RPH3A: variants seen among roughly 807,000 people sequenced by gnomAD.
RPH3A encodes rabphilin 3A, also known as rabphilin-3A.
In RPH3A, 48 loss-of-function variants were observed where a neutral mutation model predicts 102.2. That is an observed-to-expected ratio of 0.47 (90% CI 0.37 to 0.60). RPH3A has a LOEUF of 0.60. Ranked by LOEUF, RPH3A falls within the 20% of genes least tolerant of loss-of-function variation. RPH3A has a pLI of 0.00. For missense variants in RPH3A, 781 were observed against 910.1 expected (o/e 0.86, Z 1.83); for synonymous variants, 310 against 324.3 (o/e 0.96, Z 0.47).
rs145430486 is a variant in RPH3A, at chr12:112,717,040, T to A, written c.-139-75103T>A. On this transcript the variant is annotated intron_variant, in intron 1 of 21. Coordinates refer to the RPH3A transcript ENST00000543106. ...AGGCACTTTGTGTTCTTCGTCCCAT[T>A]TAATTCTTATAACGGCCTATAACAT... 2.6e-5 allele frequency among the ~76,000 whole-genome samples: 4 copies of A among 152,338 alleles called. No homozygotes were observed. The East Asian group carries it at 7.7e-4, about 29-fold the overall frequency.
chr12:112,819,797 T>C (rs559915254), intron 2 of RPH3A, among the ~76,000 whole-genome samples: 1 of 152,384 alleles, frequency 6.6e-6, no homozygotes, highest in African/African-American at 2.4e-5. Flanking sequence ...TCTTGCCTTA[T>C]GATTGCTCAT....
intron 1 of RPH3A, among the ~76,000 whole-genome samples, chr12:112,613,875 T>C (rs1046911450): frequency 6.6e-6 from 1 of 151,960 alleles, no homozygotes; most frequent in African/African-American, 2.4e-5. Flanking sequence ...GCCCAGGAGG[T>C]GGAGGCTGTA....
At chr12:112,721,111 G>A (rs976850324) in intron 1 of RPH3A, among the ~76,000 whole-genome samples, 2 of 152,190 alleles carry the variant, frequency 1.3e-5, no homozygotes, top group Non-Finnish European at 1.5e-5. Flanking sequence ...ATGAAATGAT[G>A]CATGTAAGCT....
intron 1 of RPH3A, among the ~76,000 whole-genome samples, chr12:112,592,816 C>T (rs1017982982): frequency 5.9e-5 from 9 of 152,118 alleles, no homozygotes; most frequent in Admixed American, 3.9e-4. Flanking sequence ...TGTAGTTAAG[C>T]GGGGCCACAC....
upstream of RPH3A, among the ~76,000 whole-genome samples, chr12:112,787,644 G>C (rs1013049853): frequency 1.3e-5 from 2 of 152,160 alleles, no homozygotes; most frequent in African/African-American, 4.8e-5. Context: ...ACAGGGTCTT[G>C]GTTCAAATTC....
chr12:112,822,915 T>A (rs1285280076), intron 2 of RPH3A, among the ~76,000 whole-genome samples: 1 of 152,222 alleles, frequency 6.6e-6, no homozygotes, highest in Admixed American at 6.5e-5. Context: ...AGTAGATGAT[T>A]CTTTAGAGTT....
chr12:112,872,776 G>C (rs1484677183), intron 10 of RPH3A, among the ~76,000 whole-genome samples: 1 of 152,146 alleles, frequency 6.6e-6, no homozygotes, highest in Admixed American at 6.5e-5. Context: ...TGAGGACAAA[G>C]ACAGTCATAG....
intron 1 of RPH3A, among the ~76,000 whole-genome samples, chr12:112,629,394 CTTT>C (rs34209596): frequency 3.1e-4 from 41 of 134,340 alleles, no homozygotes; most frequent in African/African-American, 5.9e-4. Context: ...CTGATGTTTG[CTTT>C]TTTTTTTTTT....
intron 1 of RPH3A, among the ~76,000 whole-genome samples, chr12:112,677,443 T>G (rs1004942788): frequency 9.0e-6 from 1 of 110,946 alleles, no homozygotes; most frequent in Non-Finnish European, 1.9e-5. Context: ...CCTTCCTTCC[T>G]TCCTTCCTTC....
At chr12:112,799,746 C>T (rs1365642501) in intron 2 of RPH3A, among the ~76,000 whole-genome samples, 2 of 152,198 alleles carry the variant, frequency 1.3e-5, no homozygotes, top group South Asian at 2.1e-4. Flanking sequence ...TCATTGGTCA[C>T]CCGGGGGATA....
chr12:112,854,972 G>A (rs2042386693), intron 5 of RPH3A, among the ~76,000 whole-genome samples: 1 of 152,202 alleles, frequency 6.6e-6, no homozygotes, highest in Non-Finnish European at 1.5e-5. Context: ...TCTTCATTCA[G>A]TTGAACAGTT....
At chr12:112,833,623 CA>C (rs1363253327) in intron 3 of RPH3A, among the ~76,000 whole-genome samples, 1 of 81,876 alleles carries the variant, frequency 1.2e-5, no homozygotes, top group Admixed American at 1.1e-4. Context: ...GTTCTGGATT[CA>C]GTTTGCTGGA....
At chr12:112,872,232 T>A (rs1335580784) in intron 10 of RPH3A, among the ~76,000 whole-genome samples, 1 of 152,190 alleles carries the variant, frequency 6.6e-6, no homozygotes, top group Non-Finnish European at 1.5e-5. Context: ...GTTTTTGTTT[T>A]TAATAAGTCA....
upstream of RPH3A, among the ~76,000 whole-genome samples, chr12:112,788,993 T>C (rs1327806964): frequency 1.3e-5 from 2 of 152,122 alleles, no homozygotes; most frequent in African/African-American, 2.4e-5. Context: ...ACCCCGTCTC[T>C]ACTAAAAATA....
At chr12:112,744,809 T>C (rs1270045825) in intron 1 of RPH3A, among the ~76,000 whole-genome samples, 1 of 152,228 alleles carries the variant, frequency 6.6e-6, no homozygotes. Context: ...TGTGCTCTGA[T>C]GTTTGGATTC....
chr12:112,799,475 G>T (rs1429276052), intron 2 of RPH3A, among the ~76,000 whole-genome samples: 1 of 152,172 alleles, frequency 6.6e-6, no homozygotes. Flanking sequence ...CAAGCCAAAT[G>T]CTTGGAATTT....
chr12:112,622,429 G>T (rs1279082387), intron 1 of RPH3A, among the ~76,000 whole-genome samples: 2 of 75,236 alleles, frequency 2.7e-5, no homozygotes, highest in African/African-American at 5.6e-5. Flanking sequence ...CTCAGGAGCC[G>T]ATGCGATCAA....
chr12:112,826,502 A>T (rs1201804939), intron 2 of RPH3A, among the ~76,000 whole-genome samples: 1 of 152,184 alleles, frequency 6.6e-6, no homozygotes, highest in Admixed American at 6.5e-5. Context: ...TGGCCTTTGC[A>T]GATGTATATA....
intron 2 of RPH3A, among the ~76,000 whole-genome samples, chr12:112,797,437 G>T (rs2136097023): frequency 6.6e-6 from 1 of 152,194 alleles, no homozygotes; most frequent in East Asian, 1.9e-4. Context: ...TCTGTTGGGG[G>T]GTAAAAAGCT....
Sources: gnomAD v4.1 joint callset for allele counts (sites outside exome capture counted in the v4.1 genomes callset) on GRCh38, gnomAD v4.1.1 for gene constraint, MANE v1.5 for transcripts, NCBI Gene and HGNC (gene_info 2026-07-23, HGNC 2026-07-21) for gene names.